RTL9: variants seen among roughly 807,000 people sequenced by gnomAD.
The protein encoded by RTL9 is retrotransposon Gag like 9.
RTL9 carries 19 observed loss-of-function variants against 44.7 expected under a neutral mutation model. That is an observed-to-expected ratio of 0.42 (90% confidence interval 0.30 to 0.62). The LOEUF (loss-of-function observed/expected upper bound fraction) is 0.62. RTL9 is among the 20% of genes least tolerant of loss of function. The pLI, the probability that RTL9 is intolerant of heterozygous loss-of-function variation, is 0.16. For synonymous variants in RTL9, 407 were observed against 398.9 expected (o/e 1.02, Z -0.24); for missense variants, 1,105 against 1,080.6 (o/e 1.02, Z -0.32).
At chrX:110,387,255 G>T (rs765586921) in intron 1 of RTL9, among the ~76,000 whole-genome samples, 3 of 112,328 alleles carry the variant, frequency 2.7e-5, no homozygotes, top group Non-Finnish European at 5.6e-5. Context: ...AGACTTACGT[G>T]GCCTCTGTCT....
chrX:110,365,637 A>C, intron 1 of RTL9, among the ~76,000 whole-genome samples: 1 of 111,966 alleles, frequency 8.9e-6, no homozygotes, highest in East Asian at 2.8e-4. Context: ...TGATTCTATC[A>C]GTGTTCCTAG....
At chrX:110,359,631 A>T (rs917323598) in intron 1 of RTL9, among the ~76,000 whole-genome samples, 1 of 111,745 alleles carries the variant, frequency 8.9e-6, no homozygotes, top group Non-Finnish European at 1.9e-5. Flanking sequence ...CTATTCATTA[A>T]TTAATTTATT....
At chrX:110,425,278 G>T (rs1007824475) in intron 1 of RTL9, among the ~76,000 whole-genome samples, 2 of 112,382 alleles carry the variant, frequency 1.8e-5, no homozygotes, top group African/African-American at 6.5e-5. Flanking sequence ...TGATGGGGGT[G>T]TGGCAGGGGT....
intron 1 of RTL9, among the ~76,000 whole-genome samples, chrX:110,434,629 C>T (rs2068822885): frequency 9.0e-6 from 1 of 111,591 alleles, no homozygotes; most frequent in African/African-American, 3.3e-5. Context: ...GAACACAAGA[C>T]TGTTAGTAGA....
chrX:110,451,287 C>T, exon 1 of RTL9: 7 of 1,211,552 alleles, frequency 5.8e-6, no homozygotes, highest in Non-Finnish European at 6.7e-6. Flanking sequence ...AGTGCCAGCT[C>T]CCAGCTCTGA....
rs748568090 is a variant in RTL9 at position 110,451,284 on chromosome X, G to A, written c.667G>A (p.Ala223Thr). 3 of 1,211,911 alleles carry A rather than the reference G, an allele frequency of 2.5e-6. No individual in the cohort carries two copies. In the East Asian group the frequency reaches 8.9e-5, roughly 36 times the overall value. ...AGTGATGTCTACACAGCCAGTGCCAGCTCCCAGCTCTGAGGCAATGTCCCC... is the reference window on the plus strand; with the variant it reads ...AGTGATGTCTACACAGCCAGTGCCAACTCCCAGCTCTGAGGCAATGTCCCC... Residue 223 changes from alanine (A) to threonine (T), a missense_variant, in exon 1 of 2, where the codon GCT becomes ACT. Transcript: ENST00000540313.
intron 1 of RTL9, among the ~76,000 whole-genome samples, chrX:110,388,168 T>C (rs1030825359): frequency 1.8e-5 from 2 of 111,876 alleles, no homozygotes; most frequent in African/African-American, 6.5e-5. Context: ...CCCAGCCTGA[T>C]CATTATCTCT....
At chrX:110,370,520 C>A (rs2068331024) in intron 1 of RTL9, among the ~76,000 whole-genome samples, 1 of 112,529 alleles carries the variant, frequency 8.9e-6, no homozygotes, top group Non-Finnish European at 1.9e-5. Flanking sequence ...ATTCTCTCTT[C>A]TTTATGTTAG....
chrX:110,392,307 C>T (rs1035220839), intron 1 of RTL9, among the ~76,000 whole-genome samples: 14 of 95,831 alleles, frequency 1.5e-4, no homozygotes, highest in Non-Finnish European at 2.5e-4. Context: ...GACAAGGTCT[C>T]ACTCTATCAC....
chrX:110,384,906 T>A (rs1437312226), intron 1 of RTL9, among the ~76,000 whole-genome samples: 1 of 111,097 alleles, frequency 9.0e-6, no homozygotes, highest in Non-Finnish European at 1.9e-5. Context: ...TTCTGTTGCC[T>A]CTTCCCTTTG....
chrX:110,396,874 C>T (rs2068532312), intron 1 of RTL9, among the ~76,000 whole-genome samples: 1 of 112,258 alleles, frequency 8.9e-6, no homozygotes, highest in South Asian at 3.7e-4. Context: ...CCCATCAGGA[C>T]AGCCTGATTG....
At chrX:110,410,475 A>T (rs770664695) in intron 1 of RTL9, among the ~76,000 whole-genome samples, 18 of 112,479 alleles carry the variant, frequency 1.6e-4, no homozygotes, top group Non-Finnish European at 3.4e-4. Context: ...GGAGGTAATT[A>T]TCCACCTATT....
intron 1 of RTL9, among the ~76,000 whole-genome samples, chrX:110,399,641 C>G (rs1441946851): frequency 8.9e-6 from 1 of 112,075 alleles, no homozygotes; most frequent in African/African-American, 3.2e-5. Flanking sequence ...GGTTCACTTA[C>G]AAATAAATGA....
chrX:110,404,181 AT>A (rs985141248), intron 1 of RTL9, among the ~76,000 whole-genome samples: 7 of 111,477 alleles, frequency 6.3e-5, no homozygotes, highest in Admixed American at 2.8e-4. Context: ...AGGCTCCTTC[AT>A]TTTTTTTCCT....
At chrX:110,424,379 A>G (rs1370090508) in intron 1 of RTL9, among the ~76,000 whole-genome samples, 1 of 111,419 alleles carries the variant, frequency 9.0e-6, no homozygotes, top group African/African-American at 3.3e-5. Flanking sequence ...CCAGAACTGC[A>G]TTTTTCCAGC....
chrX:110,452,122 G>A lies in RTL9; in HGVS notation c.1505G>A (p.Arg502Lys), dbSNP rs1331178090. The stretch of plus-strand genomic sequence containing the variant: ...TCTGGAAAGATGTCCACGCCACTGA[G>A]GAGAGCTCCAACTTCTGGAGCAATG... Residue 502 changes from arginine (R) to lysine (K), a missense_variant, in exon 1 of 2, where the codon AGG (arginine) becomes AAG (lysine). Coordinates refer to ENST00000540313, the Ensembl canonical transcript of RTL9. 8 of 1,209,523 alleles carry A rather than the reference G, an allele frequency of 6.6e-6. No individual in the cohort carries two copies. In the African/African-American group the frequency reaches 1.4e-4, roughly 21 times the overall value.
intron 1 of RTL9, among the ~76,000 whole-genome samples, chrX:110,426,106 T>C (rs1046759816): frequency 2.7e-5 from 3 of 112,314 alleles, no homozygotes; most frequent in African/African-American, 9.7e-5. Flanking sequence ...GTAATTTGAA[T>C]GTCTTGAACA....
chrX:110,422,076 C>T (rs1361547096), intron 1 of RTL9, among the ~76,000 whole-genome samples: 4 of 113,191 alleles, frequency 3.5e-5, no homozygotes, highest in Non-Finnish European at 7.5e-5. Flanking sequence ...AAATGGGGCT[C>T]TGGCTGGGAT....
intron 1 of RTL9, among the ~76,000 whole-genome samples, chrX:110,388,223 C>A (rs2068471554): frequency 1.8e-5 from 2 of 111,711 alleles, no homozygotes; most frequent in Non-Finnish European, 3.8e-5. Context: ...GGGCCCACAT[C>A]AAGTTTTTCT....
Sources: gnomAD v4.1 joint callset for allele counts (sites outside exome capture counted in the v4.1 genomes callset) on GRCh38, gnomAD v4.1.1 for gene constraint, MANE v1.5 for transcripts, NCBI Gene and HGNC (gene_info 2026-07-23, HGNC 2026-07-21) for gene names.